TLL2: variants seen among roughly 807,000 people sequenced by gnomAD.
The protein encoded by TLL2 is tolloid-like protein 2.
TLL2 carries 106 observed loss-of-function variants against 123.0 expected under a neutral mutation model. That is an observed-to-expected ratio of 0.86 (90% CI 0.74 to 1.01). The LOEUF (loss-of-function observed/expected upper bound fraction) is 1.01, where lower values mean the gene tolerates loss of function less well. TLL2 is among the 50% of genes least tolerant of loss of function. The probability of loss-of-function intolerance (pLI) is 0.00; values close to 1 mark genes in which losing one functional copy is unlikely to be tolerated. For synonymous variants in TLL2, 494 were observed against 516.8 expected (o/e 0.96, Z 0.60); for missense variants, 1,332 against 1,336.7 (o/e 1.00, Z 0.06).
chr10:96,418,909 A>G (rs1424865910), intron 7 of TLL2, among the ~76,000 whole-genome samples: 2 of 151,806 alleles, frequency 1.3e-5, no homozygotes, highest in Non-Finnish European at 2.9e-5. Flanking sequence ...TATGGCAGCT[A>G]CAGAAACAAG....
chr10:96,444,263 C>T (rs564634325), intron 3 of TLL2, among the ~76,000 whole-genome samples: 26 of 152,156 alleles, frequency 1.7e-4, no homozygotes, highest in Non-Finnish European at 2.9e-4. Flanking sequence ...TAAATATGTA[C>T]GGATATATGT....
intron 1 of TLL2, among the ~76,000 whole-genome samples, chr10:96,505,625 C>T (rs529729625): frequency 6.6e-5 from 10 of 152,272 alleles, no homozygotes; most frequent in East Asian, 3.9e-4. Context: ...TGCCTACAGC[C>T]GTGGAGTGGT....
chr10:96,413,051 G>T, intron 8 of TLL2, 141 bp downstream of exon 8: 1 of 1,220,918 alleles, frequency 8.2e-7, no homozygotes, highest in Non-Finnish European at 1.1e-6. Flanking sequence ...ATACTGCCTA[G>T]CACCTCCTAC....
At chr10:96,479,245 T>C (rs539753136) in intron 2 of TLL2, among the ~76,000 whole-genome samples, 8 of 152,312 alleles carry the variant, frequency 5.3e-5, no homozygotes, top group South Asian at 4.2e-4. Flanking sequence ...AGTACATAAT[T>C]GCCCCACCTT....
chr10:96,410,503 T>A, intron 8 of TLL2, 29 bp from the exon 9 acceptor site: 1 of 1,581,634 alleles, frequency 6.3e-7, no homozygotes, highest in Non-Finnish European at 8.7e-7. Context: ...AACTGTGATG[T>A]GGCATATGCA....
intron 10 of TLL2, among the ~76,000 whole-genome samples, chr10:96,398,413 C>A (rs1190381681): frequency 6.6e-6 from 1 of 152,158 alleles, no homozygotes; most frequent in Non-Finnish European, 1.5e-5. Flanking sequence ...AACTATGCCC[C>A]CAACCAGGAC....
chr10:96,459,050 GC>G (rs1847047002), intron 2 of TLL2, among the ~76,000 whole-genome samples: 1 of 152,188 alleles, frequency 6.6e-6, no homozygotes, highest in Non-Finnish European at 1.5e-5. Flanking sequence ...GGAGAATTAT[GC>G]ATTTTTATCG....
intron 1 of TLL2, among the ~76,000 whole-genome samples, chr10:96,490,975 A>T (rs939359991): frequency 2.6e-5 from 4 of 152,202 alleles, no homozygotes; most frequent in African/African-American, 9.6e-5. Context: ...CCCTGGGGTC[A>T]TGGGCTCCCC....
At position 96,410,472 on chromosome 10, in the gene TLL2, A is replaced by G; in HGVS notation, c.1051T>C (p.Cys351Arg). 1 of 1,613,658 alleles carries G rather than the reference A, an allele frequency of 6.2e-7. No individual in the cohort carries two copies. Among genetic ancestry groups the G allele is most frequent in the Non-Finnish European group, 8.5e-7 (1 of 1,179,740 alleles). The change falls in exon 9 of 21, where the codon TGT becomes CGT. Residue 351 changes from cysteine (C) to arginine (R), a missense_variant and splice_region_variant. Physicochemically the swap from Cys to Arg is radical, Grantham distance 180 (BLOSUM62 -3). Transcript: ENST00000357947. ...GTTGTGTCCTGCAGGGTCTCCCCAC[A>G]CGCTGCACAAGCAAAATCACAACTG... ...QARKLYKCPA[C>R]GETLQDTTGN... is the part of the protein sequence containing the mutation.
chr10:96,414,369 C>A (rs566052800), intron 7 of TLL2, among the ~76,000 whole-genome samples: 1 of 152,308 alleles, frequency 6.6e-6, no homozygotes, highest in East Asian at 1.9e-4. Context: ...ACCCCATCAG[C>A]AACGGTCACC....
At chr10:96,496,481 G>A (rs1356373621) in intron 1 of TLL2, among the ~76,000 whole-genome samples, 3 of 152,208 alleles carry the variant, frequency 2.0e-5, no homozygotes, top group Admixed American at 1.3e-4. Context: ...TGCTTCTCAA[G>A]AGAACACACA....
intron 2 of TLL2, among the ~76,000 whole-genome samples, chr10:96,476,894 ACACG>A (rs769943410): frequency 1.3e-5 from 2 of 148,418 alleles, no homozygotes; most frequent in Non-Finnish European, 3.0e-5. Flanking sequence ...ACACACACAC[ACACG>A]CAAACATGCA....
Position 96,476,248 on chromosome 10 carries a change from T to TGTTGTTGTTG in TLL2, c.286+4100_286+4101insCAACAACAAC, listed in dbSNP as rs1554939656. On this transcript the variant is annotated intron_variant, in intron 2 of 20. Transcript: ENST00000357947. ...TATATATATATATATATATTTTATT[T>TGTTGTTGTTG]TTGTTGTTGTTGTTGTTGTTGAGAC... Among the ~76,000 whole-genome samples the TGTTGTTGTTG allele has an allele frequency of 2.3e-4, 16 of 69,244 alleles. 1 individual carries two copies. Among genetic ancestry groups the TGTTGTTGTTG allele is most frequent in the African/African-American group, 1.0e-3 (16 of 16,072 alleles). The allele number at this position is 69,244 out of a possible 152,430, so 45.4% of individuals were successfully genotyped here.
In TLL2 at chr10:96,366,941, C is replaced by G. The variant is rs1846034622; in HGVS notation, c.*1147G>C. ...TGTAAACATCATCCTCTACACTTCT[C>G]TAGAACAAGTGCCAAGTGTTATGAA... On this transcript the variant is annotated 3_prime_UTR_variant, in exon 21 of 21. Transcript: ENST00000357947. 1 of 152,652 alleles carries G rather than the reference C, an allele frequency of 6.6e-6. No individual in the cohort carries two copies. The highest frequency in any genetic ancestry group is 1.5e-5 in the Non-Finnish European group (1 of 68,048). 9.5% of individuals were successfully genotyped at this position (152,652 alleles called of 1,614,324 possible).
chr10:96,445,968 A>T lies in TLL2; in HGVS notation c.364+123T>A, dbSNP rs117119945. 6.2e-3 allele frequency: 6,072 copies of T among 973,560 alleles called. 32 individuals are homozygous for T. The highest frequency in any genetic ancestry group is 7.9e-3 in the Non-Finnish European group (4,911 of 623,662). 60.3% of individuals were successfully genotyped at this position (973,560 alleles called of 1,614,324 possible). On this transcript the variant is annotated intron_variant, in intron 3 of 20. Transcript: ENST00000357947. ...TCAATAGGGGTAATGGTTACATAGC[A>T]TTGTGAATGTACTTAATGCCACTAA...
intron 4 of TLL2, among the ~76,000 whole-genome samples, chr10:96,429,382 T>C (rs1846714274): frequency 6.7e-6 from 1 of 150,122 alleles, no homozygotes; most frequent in South Asian, 2.1e-4. Flanking sequence ...AAAAAGCTTG[T>C]TCAGAATAGA....
chr10:96,513,414 G>A, intron 1 of TLL2, 97 bp downstream of exon 1: 2 of 1,484,918 alleles, frequency 1.3e-6, no homozygotes, highest in Non-Finnish European at 1.8e-6. Flanking sequence ...GAGGGGAGGG[G>A]AGACCCGCCC....
intron 2 of TLL2, among the ~76,000 whole-genome samples, chr10:96,461,876 C>A (rs1847084752): frequency 6.6e-6 from 1 of 152,248 alleles, no homozygotes. Flanking sequence ...GAGCTCCTGA[C>A]ACTCACCATA....
In TLL2 at chr10:96,386,221, CG is replaced by C. The variant is rs1564895852; in HGVS notation, c.1853-7del. ...AATGAAACCGCCACAGGCCACTGCA[CG>C]GGGGAAACAGAAACAGGATTCATTT... On this transcript the variant is annotated splice_polypyrimidine_tract_variant and splice_region_variant and intron_variant, in intron 14 of 20. Transcript: ENST00000357947. 1 of 1,563,432 alleles carries C rather than the reference CG, an allele frequency of 6.4e-7. No homozygotes were observed. Among genetic ancestry groups the C allele is most frequent in the East Asian group, 2.3e-5 (1 of 43,480 alleles).
Sources: allele counts gnomAD v4.1 joint callset (sites outside exome capture counted in the v4.1 genomes callset), GRCh38; gene constraint gnomAD v4.1.1; transcripts MANE v1.5; gene names NCBI Gene and HGNC (gene_info 2026-07-23, HGNC 2026-07-21).